Variants in CHM observed in about 807,000 individuals in gnomAD.
CHM encodes rab proteins geranylgeranyltransferase component A 1.
CHM carries 10 observed loss-of-function variants against 49.0 expected under a neutral mutation model. That is an observed-to-expected ratio of 0.20 (90% CI 0.13 to 0.35). The LOEUF (loss-of-function observed/expected upper bound fraction) is 0.35. Ranked by LOEUF, CHM falls within the 10% of genes least tolerant of loss-of-function variation. The pLI is 1.00. For missense variants in CHM, 455 were observed against 478.4 expected, an observed-to-expected ratio of 0.95 and a Z score of 0.46; for synonymous variants, 184 against 167.5, an observed-to-expected ratio of 1.10 and a Z score of -0.76.
chrX:86,042,660 TA>T (rs954723957), intron 1 of CHM, among the ~76,000 whole-genome samples: 1,694 of 97,642 alleles, frequency 0.017, 47 homozygotes, highest in African/African-American at 0.058. Flanking sequence ...TCTACAAAAA[TA>T]AAAAAAAAAA....
At chrX:86,044,273 A>G (rs1007188657) in intron 1 of CHM, among the ~76,000 whole-genome samples, 8 of 111,909 alleles carry the variant, frequency 7.1e-5, no homozygotes, top group African/African-American at 2.6e-4. Flanking sequence ...GTTTGATGTA[A>G]GTTTGCATTT....
intron 9 of CHM, among the ~76,000 whole-genome samples, chrX:85,903,460 C>T (rs1926401338): frequency 1.8e-5 from 2 of 110,837 alleles, no homozygotes; most frequent in African/African-American, 6.5e-5. Flanking sequence ...TGGTGACAGA[C>T]ATTTGTTTCA....
intron 1 of CHM, among the ~76,000 whole-genome samples, chrX:86,028,692 A>C (rs1401981817): frequency 8.9e-6 from 1 of 112,003 alleles, no homozygotes; most frequent in East Asian, 2.8e-4. Context: ...CTCTTCAAAA[A>C]TTTTTGTCAT....
chrX:85,951,100 C>T (rs1362631294), intron 8 of CHM, among the ~76,000 whole-genome samples: 5 of 111,625 alleles, frequency 4.5e-5, no homozygotes, highest in African/African-American at 1.6e-4. Context: ...CATTTGCCAC[C>T]AGTAGATGTA....
chrX:86,022,827 T>C (rs937719292), intron 2 of CHM, among the ~76,000 whole-genome samples: 4 of 110,778 alleles, frequency 3.6e-5, no homozygotes, highest in African/African-American at 1.3e-4. Context: ...TCTGAACACA[T>C]TATCTTCCCT....
intron 12 of CHM, among the ~76,000 whole-genome samples, chrX:85,879,633 A>C (rs1924636373): frequency 8.9e-6 from 1 of 111,759 alleles, no homozygotes; most frequent in Non-Finnish European, 1.9e-5. Context: ...TGTTTATGTT[A>C]GAGAAAATCA....
intron 1 of CHM, among the ~76,000 whole-genome samples, chrX:86,042,282 G>T (rs2147812200): frequency 9.0e-6 from 1 of 111,574 alleles, no homozygotes; most frequent in African/African-American, 3.3e-5. Flanking sequence ...TTTCTAATCA[G>T]TCACTGTATT....
intron 4 of CHM, among the ~76,000 whole-genome samples, chrX:85,964,425 T>TA (rs779346991): frequency 1.8e-3 from 199 of 110,148 alleles, no homozygotes; most frequent in African/African-American, 5.9e-3. Context: ...GGTAATTACC[T>TA]AAATTACCCT....
intron 2 of CHM, among the ~76,000 whole-genome samples, chrX:85,985,542 C>A (rs1399281715): frequency 1.8e-5 from 2 of 112,002 alleles, no homozygotes; most frequent in South Asian, 3.7e-4. Context: ...CAGCACATCA[C>A]AGCTACTCTA....
chrX:86,028,751 A>C (rs1209402246), intron 1 of CHM, among the ~76,000 whole-genome samples: 2 of 111,837 alleles, frequency 1.8e-5, no homozygotes, highest in Non-Finnish European at 3.8e-5. Flanking sequence ...TTAGTTATAA[A>C]AATAAAGCAT....
At chrX:85,877,274 A>C (rs1349983495) in intron 13 of CHM, among the ~76,000 whole-genome samples, 1 of 111,921 alleles carries the variant, frequency 8.9e-6, no homozygotes, top group Non-Finnish European at 1.9e-5. Context: ...GCTCCCAAAA[A>C]ACATAATTGA....
chrX:85,988,511 G>T (rs1328208842), intron 2 of CHM, among the ~76,000 whole-genome samples: 1 of 111,525 alleles, frequency 9.0e-6, no homozygotes, highest in Non-Finnish European at 1.9e-5. Flanking sequence ...AGATCAATTA[G>T]GCAAGAGAAA....
chrX:85,972,659 GC>G (rs1194237163), intron 4 of CHM, among the ~76,000 whole-genome samples: 1 of 112,712 alleles, frequency 8.9e-6, no homozygotes, highest in Non-Finnish European at 1.9e-5. Flanking sequence ...CGAGTGCGGG[GC>G]CCGCCAAGCC....
At chrX:85,917,768 T>C (rs1375034720) in intron 8 of CHM, among the ~76,000 whole-genome samples, 1 of 106,215 alleles carries the variant, frequency 9.4e-6, no homozygotes, top group Non-Finnish European at 1.9e-5. Context: ...CATAATGCAA[T>C]TGGAAGCATA....
intron 8 of CHM, among the ~76,000 whole-genome samples, chrX:85,930,169 A>T (rs897988759): frequency 1.8e-5 from 2 of 112,128 alleles, no homozygotes; most frequent in African/African-American, 3.2e-5. Context: ...CATACCTAAC[A>T]TGCCTTAAAG....
intron 1 of CHM, among the ~76,000 whole-genome samples, chrX:86,042,644 C>A (rs1934511637): frequency 9.3e-6 from 1 of 107,908 alleles, no homozygotes; most frequent in Non-Finnish European, 1.9e-5. Context: ...ATAGGCAGAC[C>A]CCATCTCTAC....
At chrX:85,995,260 TAAAAAAAA>T (rs55742394) in intron 2 of CHM, among the ~76,000 whole-genome samples, 14 of 46,808 alleles carry the variant, frequency 3.0e-4, no homozygotes, top group Middle Eastern at 0.018. Context: ...CCTTATTACT[TAAAAAAAA>T]AAAAAAAAAA....
intron 1 of CHM, among the ~76,000 whole-genome samples, chrX:86,043,977 T>A (rs1384604409): frequency 1.8e-5 from 2 of 112,024 alleles, no homozygotes; most frequent in African/African-American, 6.5e-5. Flanking sequence ...GCAGCCCATC[T>A]TAGGGGAAGA....
intron 1 of CHM, among the ~76,000 whole-genome samples, chrX:86,038,668 C>A: frequency 8.9e-6 from 1 of 111,843 alleles, no homozygotes; most frequent in Non-Finnish European, 1.9e-5. Flanking sequence ...ATCTCTGATC[C>A]CATTTCTGGC....
Sources: allele counts gnomAD v4.1 joint callset (sites outside exome capture counted in the v4.1 genomes callset), GRCh38; gene constraint gnomAD v4.1.1; transcripts MANE v1.5; gene names NCBI Gene and HGNC (gene_info 2026-07-23, HGNC 2026-07-21).